Variants in WWOX observed in about 807,000 individuals in gnomAD.
WWOX encodes the protein WW domain-containing oxidoreductase.
In WWOX, 69 loss-of-function variants were observed where a neutral mutation model predicts 46.2. The observed-to-expected ratio is 1.49, with a 90% CI of 1.23 to 1.82. The LOEUF is 1.82. Ranked by LOEUF, WWOX falls within the 40% of genes most tolerant of loss-of-function variation. The pLI, the probability that WWOX is intolerant of heterozygous loss-of-function variation, is 0.00. For missense variants in WWOX, 919 were observed against 542.6 expected (o/e 1.69, Z -6.89); for synonymous variants, 359 against 202.6 (o/e 1.77, Z -6.56).
intron 8 of WWOX, among the ~76,000 whole-genome samples, chr16:78,864,526 C>A (rs1277457109): frequency 6.6e-6 from 1 of 152,074 alleles, no homozygotes; most frequent in Non-Finnish European, 1.5e-5. Flanking sequence ...GCCTTGGCCT[C>A]CCAAAATGCT....
chr16:78,920,473 G>A (rs552983352), intron 8 of WWOX, among the ~76,000 whole-genome samples: 4 of 152,082 alleles, frequency 2.6e-5, no homozygotes, highest in Admixed American at 1.3e-4. Flanking sequence ...CGCTGACCCC[G>A]AATGACTGGA....
intron 8 of WWOX, among the ~76,000 whole-genome samples, chr16:78,665,910 C>A (rs1261261159): frequency 2.0e-5 from 3 of 151,948 alleles, no homozygotes; most frequent in African/African-American, 7.2e-5. Flanking sequence ...GTCTTGAACT[C>A]CTGACTTCAA....
intron 8 of WWOX, among the ~76,000 whole-genome samples, chr16:78,663,105 A>T (rs115220818): frequency 6.6e-6 from 1 of 152,142 alleles, no homozygotes; most frequent in Admixed American, 6.6e-5. Flanking sequence ...CTAATTTCAG[A>T]ACATTTTTAT....
intron 8 of WWOX, among the ~76,000 whole-genome samples, chr16:78,669,553 C>T (rs1020050684): frequency 1.3e-5 from 2 of 152,154 alleles, no homozygotes; most frequent in Middle Eastern, 3.2e-3. Flanking sequence ...AGTTACCTAC[C>T]CCCAAAATGT....
chr16:79,029,314 G>A (rs117411416), intron 8 of WWOX, among the ~76,000 whole-genome samples: 1 of 152,198 alleles, frequency 6.6e-6, no homozygotes, highest in African/African-American at 2.4e-5. Flanking sequence ...ATGGGGAAGA[G>A]ACGCACATCA....
chr16:78,634,570 G>C (rs1397089804), intron 8 of WWOX, among the ~76,000 whole-genome samples: 1 of 152,084 alleles, frequency 6.6e-6, no homozygotes, highest in South Asian at 2.1e-4. Flanking sequence ...GCTGGGCATG[G>C]TGGCGGGCGC....
intron 4 of WWOX, among the ~76,000 whole-genome samples, chr16:78,163,823 G>A (rs929727476): frequency 6.6e-6 from 1 of 152,156 alleles, no homozygotes; most frequent in African/African-American, 2.4e-5. Flanking sequence ...TGGACATGCC[G>A]TGAACTCTTC....
At chr16:78,195,947 C>T (rs940535368) in intron 5 of WWOX, among the ~76,000 whole-genome samples, 2 of 151,870 alleles carry the variant, frequency 1.3e-5, no homozygotes, top group East Asian at 1.9e-4. Context: ...TTTTTGAGCC[C>T]GGGAGTGCAA....
rs909357552 is a variant in WWOX, at chr16:78,967,731, C to G, written c.1057-243877C>G. ...GAAGGATCACCATGAACGGTCAGGA[C>G]CTGACTTAGGAGGACTCAGAAGCTG... is the stretch of plus-strand genomic sequence containing the variant. On this transcript the variant is annotated intron_variant, in intron 8 of 8. Transcript: ENST00000566780. Among the ~76,000 whole-genome samples the G allele has an allele frequency of 1.9e-4, 29 of 152,130 alleles. 1 individual carries two copies. The Middle Eastern group carries it at 0.01, about 54-fold the overall frequency.
At chr16:78,449,896 AC>A (rs2083651284) in intron 8 of WWOX, among the ~76,000 whole-genome samples, 1 of 145,824 alleles carries the variant, frequency 6.9e-6, no homozygotes, top group African/African-American at 2.5e-5. Context: ...GAAAGCGTGA[AC>A]TTTTTTTTTT....
At chr16:78,398,283 G>A (rs1200027829) in intron 6 of WWOX, among the ~76,000 whole-genome samples, 2 of 152,104 alleles carry the variant, frequency 1.3e-5, no homozygotes, top group Admixed American at 1.3e-4. Context: ...CATGTCACCT[G>A]TGGCCATGTC....
At chr16:79,109,523 T>C (rs1228538190) in intron 8 of WWOX, among the ~76,000 whole-genome samples, 1 of 152,202 alleles carries the variant, frequency 6.6e-6, no homozygotes, top group Non-Finnish European at 1.5e-5. Context: ...TTATAATTTA[T>C]GGGATCTTGG....
chr16:78,372,923 C>T (rs2081728002), intron 5 of WWOX, among the ~76,000 whole-genome samples: 1 of 152,146 alleles, frequency 6.6e-6, no homozygotes, highest in African/African-American at 2.4e-5. Flanking sequence ...TGAAAAGTAG[C>T]ATCATTAATC....
intron 8 of WWOX, among the ~76,000 whole-genome samples, chr16:78,643,863 G>C (rs1013964763): frequency 6.7e-6 from 1 of 149,524 alleles, no homozygotes; most frequent in African/African-American, 2.4e-5. Context: ...GCCTGAGACA[G>C]TTGCCATAAT....
intron 8 of WWOX, among the ~76,000 whole-genome samples, chr16:79,019,882 C>T (rs889887444): frequency 1.3e-5 from 2 of 152,194 alleles, no homozygotes; most frequent in Admixed American, 1.3e-4. Flanking sequence ...CTCGGATCCT[C>T]AATGTTCTTT....
At chr16:79,035,156 A>G (rs1381670501) in intron 8 of WWOX, among the ~76,000 whole-genome samples, 1 of 152,168 alleles carries the variant, frequency 6.6e-6, no homozygotes, top group Non-Finnish European at 1.5e-5. Context: ...GACCGTCAGT[A>G]TTTTCATTTT....
At chr16:78,207,165 T>C (rs749616799) in intron 5 of WWOX, among the ~76,000 whole-genome samples, 1 of 152,206 alleles carries the variant, frequency 6.6e-6, no homozygotes, top group Non-Finnish European at 1.5e-5. Context: ...TTGCCCACTT[T>C]CTAAAAATAT....
At chr16:79,093,257 A>C (rs1418177795) in intron 8 of WWOX, among the ~76,000 whole-genome samples, 1 of 152,204 alleles carries the variant, frequency 6.6e-6, no homozygotes. Flanking sequence ...CAGATTTTGG[A>C]GGCGAAAGAT....
At chr16:79,064,064 C>G (rs2048400413) in intron 8 of WWOX, among the ~76,000 whole-genome samples, 1 of 152,202 alleles carries the variant, frequency 6.6e-6, no homozygotes. Flanking sequence ...TTTTCTAGTT[C>G]TCAACAAGGC....
Sources: gnomAD v4.1 joint callset for allele counts (sites outside exome capture counted in the v4.1 genomes callset) on GRCh38, gnomAD v4.1.1 for gene constraint, MANE v1.5 for transcripts, NCBI Gene and HGNC (gene_info 2026-07-23, HGNC 2026-07-21) for gene names.